Variants in CCDC148 observed in about 807,000 individuals in gnomAD.
The protein encoded by CCDC148 is coiled-coil domain containing 148.
A neutral mutation model predicts 85.7 loss-of-function variants in CCDC148; 89 were observed. The observed-to-expected ratio is 1.04, with a 90% CI of 0.87 to 1.24. The LOEUF is 1.24. Among genes scored for constraint, CCDC148 ranks in the 50% most tolerant of loss-of-function variants. The pLI is 0.00. For synonymous variants in CCDC148, 230 were observed against 213.9 expected, an observed-to-expected ratio of 1.08 and a Z score of -0.66; for missense variants, 692 against 671.7, an observed-to-expected ratio of 1.03 and a Z score of -0.33.
At chr2:158,427,878 G>T (rs1486887210) in intron 1 of CCDC148, among the ~76,000 whole-genome samples, 3 of 152,068 alleles carry the variant, frequency 2.0e-5, no homozygotes, top group Non-Finnish European at 4.4e-5. Flanking sequence ...TGAAAAAAAA[G>T]AAGGAAGTGG....
chr2:158,239,947 A>G (rs187521337), intron 10 of CCDC148, among the ~76,000 whole-genome samples: 3 of 152,118 alleles, frequency 2.0e-5, no homozygotes, highest in Admixed American at 2.0e-4. Flanking sequence ...AAAGAAAAAG[A>G]CTAATAACTA....
chr2:158,181,713 G>T (rs1684912571), intron 11 of CCDC148, among the ~76,000 whole-genome samples: 1 of 152,096 alleles, frequency 6.6e-6, no homozygotes, highest in African/African-American at 2.4e-5. Context: ...GAGTGAGCAG[G>T]TATGTCTTAA....
At chr2:158,340,544 T>C in intron 4 of CCDC148, 54 bp downstream of exon 4, 1 of 1,424,626 alleles carries the variant, frequency 7.0e-7, no homozygotes. Context: ...AGTGGCCCAT[T>C]CTCATTCTTC....
chr2:158,225,775 A>C (rs952841429), intron 10 of CCDC148, among the ~76,000 whole-genome samples: 3 of 152,226 alleles, frequency 2.0e-5, no homozygotes, highest in Admixed American at 6.5e-5. Context: ...AAGACACAAC[A>C]TACCAGAATC....
intron 1 of CCDC148, among the ~76,000 whole-genome samples, chr2:158,424,559 G>A (rs1368841397): frequency 1.3e-5 from 2 of 151,998 alleles, no homozygotes; most frequent in African/African-American, 4.8e-5. Context: ...ACACACCAGG[G>A]CCTGTCATGG....
At chr2:158,405,588 A>C (rs1685963450) in intron 1 of CCDC148, among the ~76,000 whole-genome samples, 1 of 152,188 alleles carries the variant, frequency 6.6e-6, no homozygotes, top group Non-Finnish European at 1.5e-5. Context: ...GAAAATATTG[A>C]AAATAAGTGT....
At chr2:158,450,820 T>C (rs1203450693) in intron 1 of CCDC148, among the ~76,000 whole-genome samples, 1 of 152,156 alleles carries the variant, frequency 6.6e-6, no homozygotes, top group Non-Finnish European at 1.5e-5. Flanking sequence ...CTGAGTGTCT[T>C]TGATGTGTGG....
intron 1 of CCDC148, among the ~76,000 whole-genome samples, chr2:158,453,467 C>T (rs77987290): frequency 1.8e-4 from 27 of 152,194 alleles, no homozygotes; most frequent in Non-Finnish European, 3.1e-4. Context: ...TCTCAGGCCC[C>T]GCTTATTCCA....
chr2:158,193,292 G>A (rs1435787600), intron 11 of CCDC148, among the ~76,000 whole-genome samples: 2 of 152,092 alleles, frequency 1.3e-5, no homozygotes, highest in African/African-American at 2.4e-5. Context: ...ATGCATAAAA[G>A]TGTTGATGCA....
In CCDC148 at chr2:158,250,755, G is replaced by A. The variant is rs560408822; in HGVS notation, c.1251+17C>T. On this transcript the variant is annotated intron_variant, in intron 10 of 13. Coordinates refer to ENST00000283233, the MANE Select transcript of CCDC148 (RefSeq NM_138803.4). ...AAGCATTCATTCACACATTCGTATTGACAATAGATTTTTTACTTTTTTTTT... is the reference window on the plus strand; with the variant it reads ...AAGCATTCATTCACACATTCGTATTAACAATAGATTTTTTACTTTTTTTTT... 7.2e-6 allele frequency: 11 copies of A among 1,526,908 alleles called. No individual in the cohort carries two copies. In the African/African-American group the frequency reaches 1.5e-4, roughly 21 times the overall value. The allele number at this position is 1,526,908 out of a possible 1,614,324, so 94.6% of individuals were successfully genotyped here. A position where few individuals can be genotyped will look rare whatever the true frequency, so the allele number is the denominator to read the frequency against.
At chr2:158,454,030 T>C (rs1688506810) in intron 1 of CCDC148, among the ~76,000 whole-genome samples, 2 of 152,222 alleles carry the variant, frequency 1.3e-5, no homozygotes, top group African/African-American at 2.4e-5. Context: ...GTTTCATTCC[T>C]TCACTGGAAA....
intron 9 of CCDC148, among the ~76,000 whole-genome samples, chr2:158,268,467 T>C (rs964290980): frequency 4.6e-5 from 7 of 152,160 alleles, no homozygotes; most frequent in African/African-American, 1.4e-4. Flanking sequence ...TGAGGTATAA[T>C]TGACAAACAA....
chr2:158,417,163 A>G (rs1475467471), intron 1 of CCDC148, among the ~76,000 whole-genome samples: 3 of 152,244 alleles, frequency 2.0e-5, no homozygotes, highest in Non-Finnish European at 2.9e-5. Context: ...TTACAATTCA[A>G]CATGAGATTT....
At chr2:158,273,306 A>G (rs547938535) in intron 9 of CCDC148, among the ~76,000 whole-genome samples, 1 of 152,306 alleles carries the variant, frequency 6.6e-6, no homozygotes, top group South Asian at 2.1e-4. Context: ...ATTAGTAGTA[A>G]ACATAATAAC....
Position 158,402,281 on chromosome 2 carries a change from C to T in CCDC148, c.26-43711G>A, listed in dbSNP as rs569497978. Among the ~76,000 whole-genome samples, 19 of 152,196 alleles carry T rather than the reference C, an allele frequency of 1.2e-4. 1 individual carries two copies. The South Asian group carries it at 3.9e-3, about 32-fold the overall frequency. On this transcript the variant is annotated intron_variant, in intron 1 of 13. Coordinates refer to ENST00000283233, the MANE Select transcript of CCDC148 (RefSeq NM_138803.4). ...GAAACCAAATAGTTTGTACTGTTCA[C>T]TGCATTATGTTCAGAAATTTCACAT... is the stretch of plus-strand genomic sequence containing the variant.
At chr2:158,387,182 A>T (rs1349267077) in intron 1 of CCDC148, among the ~76,000 whole-genome samples, 1 of 152,094 alleles carries the variant, frequency 6.6e-6, no homozygotes. Flanking sequence ...TGGCATTAGA[A>T]GGCAAGCTTT....
chr2:158,356,511 C>T (rs879763247), intron 2 of CCDC148, among the ~76,000 whole-genome samples: 2 of 152,052 alleles, frequency 1.3e-5, no homozygotes, highest in Non-Finnish European at 2.9e-5. Context: ...CAGAGAAATG[C>T]AAATCAAAAC....
chr2:158,346,183 G>A (rs1166178185), intron 2 of CCDC148, among the ~76,000 whole-genome samples: 1 of 152,146 alleles, frequency 6.6e-6, no homozygotes, highest in African/African-American at 2.4e-5. Context: ...CCATCTCACA[G>A]AGCAGCTTGT....
At chr2:158,303,303 T>C (rs570252847) in intron 9 of CCDC148, among the ~76,000 whole-genome samples, 2 of 152,206 alleles carry the variant, frequency 1.3e-5, no homozygotes, top group Non-Finnish European at 1.5e-5. Flanking sequence ...GAGCCTACAG[T>C]ATAATAAATA....
Sources: allele counts gnomAD v4.1 joint callset (sites outside exome capture counted in the v4.1 genomes callset), GRCh38; gene constraint gnomAD v4.1.1; transcripts MANE v1.5; gene names NCBI Gene and HGNC (gene_info 2026-07-23, HGNC 2026-07-21).